EFEMP1: variants seen among roughly 807,000 people sequenced by gnomAD.
EFEMP1 encodes EGF-containing fibulin-like extracellular matrix protein 1.
A neutral mutation model predicts 65.7 loss-of-function variants in EFEMP1; 18 were observed. The ratio of observed to expected loss-of-function variants is 0.27; its 90% CI spans 0.19 to 0.41. The LOEUF is 0.41. EFEMP1 is among the 10% of genes least tolerant of loss of function. EFEMP1 has a pLI of 1.00. For missense variants in EFEMP1, 469 were observed against 624.8 expected (o/e 0.75, Z 2.66); for synonymous variants, 237 against 219.7 (o/e 1.08, Z -0.70).
chr2:55,890,250 TA>T (rs2104406637), intron 5 of EFEMP1, among the ~76,000 whole-genome samples: 1 of 152,132 alleles, frequency 6.6e-6, no homozygotes, highest in Non-Finnish European at 1.5e-5. Context: ...TACATAATGA[TA>T]AAAGTTTCAG....
Position 55,866,567 on chromosome 2 carries a change from G to A in EFEMP1, c.*506C>T, listed in dbSNP as rs1422150670. 1 of 156,446 alleles carries A rather than the reference G, an allele frequency of 6.4e-6. No individual in the cohort carries two copies. The highest frequency in any genetic ancestry group is 1.9e-4 in the East Asian group (1 of 5,374). 9.7% of individuals were successfully genotyped at this position (156,446 alleles called of 1,614,324 possible). On this transcript the variant is annotated 3_prime_UTR_variant, in exon 12 of 12. Coordinates refer to ENST00000355426, the MANE Select transcript of EFEMP1 (RefSeq NM_001039348.3). ...ATAATAAACAACCACCTTTAGGCTG[G>A]ATATGAAAATAAAAACCAACACAAA...
rs1211497107 is a variant in EFEMP1 at position 55,921,107 on chromosome 2, A to C, written c.81+1253T>G. 6.6e-6 allele frequency among the ~76,000 whole-genome samples: 1 copy of C among 152,258 alleles called. No homozygotes were observed. The highest frequency in any genetic ancestry group is 2.4e-5 in the African/African-American group (1 of 41,470). On this transcript the variant is annotated intron_variant, in intron 3 of 11. Coordinates refer to ENST00000355426, the MANE Select transcript of EFEMP1 (RefSeq NM_001039348.3). The surrounding 1 kb of genome is among the most constrained non-coding windows in gnomAD (Gnocchi z 4.1). ...AAGAAGTAAAATCTTTTATGAGATGATTATAAAAGTGGGTAGTGAATTTAA... is the reference window on the plus strand; with the variant it reads ...AAGAAGTAAAATCTTTTATGAGATGCTTATAAAAGTGGGTAGTGAATTTAA...
chr2:55,895,161 T>C (rs1669770683), intron 5 of EFEMP1, among the ~76,000 whole-genome samples: 2 of 152,238 alleles, frequency 1.3e-5, no homozygotes, highest in Non-Finnish European at 1.5e-5. Context: ...TTCACCTTTC[T>C]AGTGATGCTG....
At chr2:55,906,373 G>T (rs1433785982) in intron 5 of EFEMP1, among the ~76,000 whole-genome samples, 1 of 152,008 alleles carries the variant, frequency 6.6e-6, no homozygotes, top group Non-Finnish European at 1.5e-5. Flanking sequence ...ACAGGCATGT[G>T]CCATCACGCC....
chr2:55,891,948 C>A (rs781301379), intron 5 of EFEMP1, among the ~76,000 whole-genome samples: 2 of 152,092 alleles, frequency 1.3e-5, no homozygotes, highest in Non-Finnish European at 2.9e-5. Context: ...CATTCTTGGA[C>A]TTAATTTGTT....
intron 5 of EFEMP1, among the ~76,000 whole-genome samples, chr2:55,891,654 A>G (rs1265906804): frequency 6.6e-6 from 1 of 152,120 alleles, no homozygotes; most frequent in Non-Finnish European, 1.5e-5. Flanking sequence ...GTAGCAAGAA[A>G]AGGTTTCATT....
chr2:55,871,180 A>T lies in EFEMP1; in HGVS notation c.1001-57T>A. ...ACTAAACTAATGAACTGATCTAATT[A>T]AATCATATAACTGGCAGATTCTGTT... On this transcript the variant is annotated intron_variant, in intron 9 of 11. Coordinates refer to ENST00000355426, the MANE Select transcript of EFEMP1 (RefSeq NM_001039348.3). This position sits in a 1 kb window ranked among gnomAD's most constrained non-coding sequence, Gnocchi z 4.2. 1 of 1,609,274 alleles carries T rather than the reference A, an allele frequency of 6.2e-7. No homozygotes were observed. The highest frequency in any genetic ancestry group is 8.5e-7 in the Non-Finnish European group (1 of 1,178,086).
chr2:55,867,329 A>G lies in EFEMP1; in HGVS notation c.1321-95T>C. 1.5e-6 allele frequency: 2 copies of G among 1,370,734 alleles called. No homozygotes were observed. Among genetic ancestry groups the G allele is most frequent in the Non-Finnish European group, 2.0e-6 (2 of 1,001,394 alleles). 84.9% of individuals were successfully genotyped at this position (1,370,734 alleles called of 1,614,324 possible). ...TATACCTCCTATAAGAATTAGGGGG[A>G]GAATTTTGAAGGTGGTATAAAAGAG... On this transcript the variant is annotated intron_variant, in intron 11 of 11. Transcript: ENST00000355426. The surrounding 1 kb of genome is among the most constrained non-coding windows in gnomAD (Gnocchi z 4.3).
At position 55,923,315 on chromosome 2, in the gene EFEMP1, C is replaced by T. The variant is rs184973983; in HGVS notation, c.-48-376G>A. On this transcript the variant is annotated intron_variant, in intron 1 of 11. Coordinates refer to ENST00000355426, the MANE Select transcript of EFEMP1 (RefSeq NM_001039348.3). The surrounding 1 kb of genome is among the most constrained non-coding windows in gnomAD (Gnocchi z 5.3). Reference sequence around the variant, plus strand: ...GCCTGGCCCGGCAGGGAGATGAGGTCCCCTTTCTTAACAGCAAGCTAACGC... The same window carrying T: ...GCCTGGCCCGGCAGGGAGATGAGGTTCCCTTTCTTAACAGCAAGCTAACGC... Among the ~76,000 whole-genome samples the T allele has an allele frequency of 8.2e-4, 125 of 152,290 alleles. No individual in the cohort carries two copies. Among genetic ancestry groups the T allele is most frequent in the Middle Eastern group, 3.4e-3 (1 of 294 alleles).
intron 5 of EFEMP1, among the ~76,000 whole-genome samples, chr2:55,914,094 A>G (rs903724885): frequency 1.3e-5 from 2 of 152,224 alleles, no homozygotes; most frequent in South Asian, 2.1e-4. Context: ...TTCCCCATTC[A>G]TTCAACTTCT....
intron 5 of EFEMP1, among the ~76,000 whole-genome samples, chr2:55,907,910 G>A (rs952079896): frequency 2.6e-5 from 4 of 152,138 alleles, no homozygotes; most frequent in Non-Finnish European, 5.9e-5. Flanking sequence ...TTTTAACTAG[G>A]CACACATAAA....
chr2:55,905,525 G>A (rs1037451000), intron 5 of EFEMP1, among the ~76,000 whole-genome samples: 17 of 152,108 alleles, frequency 1.1e-4, no homozygotes, highest in African/African-American at 3.6e-4. Context: ...TCGGCTCACT[G>A]CAACCTCCAC....
At chr2:55,878,358 T>C (rs1163589808) in intron 6 of EFEMP1, among the ~76,000 whole-genome samples, 1 of 152,146 alleles carries the variant, frequency 6.6e-6, no homozygotes, top group African/African-American at 2.4e-5. Flanking sequence ...CTTAGGACGT[T>C]TTTGTGTATC....
intron 6 of EFEMP1, among the ~76,000 whole-genome samples, chr2:55,880,085 T>C (rs1004879613): frequency 1.3e-5 from 2 of 152,138 alleles, no homozygotes; most frequent in African/African-American, 4.8e-5. Context: ...TAACACTGTG[T>C]GACGTGTGTG....
In EFEMP1 at chr2:55,876,753, GTT is replaced by G. The variant is rs751482730; in HGVS notation, c.761-13_761-12del. On this transcript the variant is annotated splice_polypyrimidine_tract_variant and intron_variant, in intron 7 of 11. Transcript: ENST00000355426. ...CACATTCATTTATATCTGAAAAAAA[GTT>G]TTATATATATATATATGTATATGTA... 8 of 1,526,774 alleles carry G rather than the reference GTT, an allele frequency of 5.2e-6. No individual in the cohort carries two copies. The African/African-American group carries it at 7.0e-5, about 13-fold the overall frequency. 94.6% of individuals were successfully genotyped at this position (1,526,774 alleles called of 1,614,324 possible).
At position 55,885,625 on chromosome 2, in the gene EFEMP1, G is replaced by C. The variant is rs982564654; in HGVS notation, c.518-3891C>G. ...AAATGTGCCCACGTGCTCCCTCCTAGTGATTTATACTATTGTAGGTCCCTC... is the reference window on the plus strand; with the variant it reads ...AAATGTGCCCACGTGCTCCCTCCTACTGATTTATACTATTGTAGGTCCCTC... On this transcript the variant is annotated intron_variant, in intron 5 of 11. Transcript: ENST00000355426. The surrounding 1 kb of genome is among the most constrained non-coding windows in gnomAD (Gnocchi z 4.3). Among the ~76,000 whole-genome samples, 1 of 152,254 alleles carries C rather than the reference G, an allele frequency of 6.6e-6. No individual in the cohort carries two copies. Among genetic ancestry groups the C allele is most frequent in the Middle Eastern group, 3.4e-3 (1 of 294 alleles).
rs774153711 is a variant in EFEMP1 at position 55,893,819 on chromosome 2, T to G, written c.518-12085A>C. On this transcript the variant is annotated intron_variant, in intron 5 of 11. Transcript: ENST00000355426. ...CATTATTAAATATCCTACCTTTGTT[T>G]TGTTGCTTAGTGTCATGTTTTCAAT... Among the ~76,000 whole-genome samples the G allele has an allele frequency of 7.9e-5, 12 of 152,314 alleles. No homozygotes were observed. In the Middle Eastern group the frequency reaches 0.02, roughly 259 times the overall value.
rs922715764 is a variant in EFEMP1, at chr2:55,883,869, A to C, written c.518-2135T>G. Reference sequence around the variant, plus strand: ...CCTTCTGAGTGGGTTATTTAATAAAAATATTAGGTGAGTTAAATTAATAAA... The same window carrying C: ...CCTTCTGAGTGGGTTATTTAATAAACATATTAGGTGAGTTAAATTAATAAA... On this transcript the variant is annotated intron_variant, in intron 5 of 11. Coordinates refer to ENST00000355426, the MANE Select transcript of EFEMP1 (RefSeq NM_001039348.3). The surrounding 1 kb of genome is among the most constrained non-coding windows in gnomAD (Gnocchi z 4.5). 6.6e-6 allele frequency among the ~76,000 whole-genome samples: 1 copy of C among 152,204 alleles called. No homozygotes were observed. Among genetic ancestry groups the C allele is most frequent in the African/African-American group, 2.4e-5 (1 of 41,448 alleles).
chr2:55,884,549 T>A (rs962850154), intron 5 of EFEMP1, among the ~76,000 whole-genome samples: 1 of 152,190 alleles, frequency 6.6e-6, no homozygotes, highest in Non-Finnish European at 1.5e-5. Flanking sequence ...TGACTTCCCA[T>A]AGTGCAAACA....
Sources: gnomAD v4.1 joint callset for allele counts (sites outside exome capture counted in the v4.1 genomes callset) on GRCh38, gnomAD v4.1.1 for gene constraint, Gnocchi (gnomAD v3.1) non-coding constraint, MANE v1.5 for transcripts, NCBI Gene and HGNC (gene_info 2026-07-23, HGNC 2026-07-21) for gene names.